RIMS2: variants seen among roughly 807,000 people sequenced by gnomAD.
RIMS2 encodes the protein regulating synaptic membrane exocytosis 2.
In RIMS2, 59 loss-of-function variants were observed where a neutral mutation model predicts 174.4. The ratio of observed to expected loss-of-function variants is 0.34; its 90% CI spans 0.27 to 0.42. The LOEUF (loss-of-function observed/expected upper bound fraction) is 0.42. RIMS2 is among the 10% of genes least tolerant of loss of function. The pLI is 1.00. For missense variants in RIMS2, 1,620 were observed against 1,666.3 expected, an observed-to-expected ratio of 0.97 and a Z score of 0.48; for synonymous variants, 606 against 572.5, an observed-to-expected ratio of 1.06 and a Z score of -0.84.
chr8:104,072,534 T>C (rs930286673), intron 19 of RIMS2, among the ~76,000 whole-genome samples: 3 of 152,164 alleles, frequency 2.0e-5, no homozygotes, highest in Admixed American at 6.6e-5. Context: ...AAATTTGACA[T>C]AACTGTGATG....
chr8:103,630,131 C>T (rs1184406), intron 1 of RIMS2, among the ~76,000 whole-genome samples: 8 of 139,470 alleles, frequency 5.7e-5, no homozygotes, highest in African/African-American at 2.2e-4. Flanking sequence ...AATCAAATTT[C>T]TGAAAACTGA....
At chr8:103,975,448 C>A in exon 16 of RIMS2, 2 of 1,610,620 alleles carry the variant, frequency 1.2e-6, no homozygotes, top group Non-Finnish European at 1.7e-6. Context: ...GTCTCCTCAT[C>A]GAGTAGATGT....
At chr8:104,131,326 T>C (rs2098472045) in intron 19 of RIMS2, among the ~76,000 whole-genome samples, 1 of 152,090 alleles carries the variant, frequency 6.6e-6, no homozygotes, top group Non-Finnish European at 1.5e-5. Context: ...AACTTGCTGA[T>C]TGGTTGGATA....
intron 19 of RIMS2, among the ~76,000 whole-genome samples, chr8:104,105,359 A>G (rs2098025086): frequency 2.0e-5 from 3 of 152,338 alleles, no homozygotes; most frequent in South Asian, 4.1e-4. Context: ...GTTACTAGAA[A>G]GAACCTCAGG....
At chr8:104,054,203 T>G (rs961190947) in intron 19 of RIMS2, among the ~76,000 whole-genome samples, 1 of 152,186 alleles carries the variant, frequency 6.6e-6, no homozygotes, top group Non-Finnish European at 1.5e-5. Context: ...CTGTTTATTC[T>G]CAGTATTGAA....
At chr8:104,088,134 A>G (rs1046412085) in intron 19 of RIMS2, among the ~76,000 whole-genome samples, 1 of 152,096 alleles carries the variant, frequency 6.6e-6, no homozygotes, top group African/African-American at 2.4e-5. Context: ...TATTTTTTAT[A>G]CAATTCAGCA....
At chr8:103,518,738 TAAC>T (rs1448058540) in intron 1 of RIMS2, among the ~76,000 whole-genome samples, 2 of 152,048 alleles carry the variant, frequency 1.3e-5, no homozygotes, top group Non-Finnish European at 2.9e-5. Flanking sequence ...TATGATATGT[TAAC>T]AAGTGACTTC....
chr8:103,555,200 G>A (rs1439125507), intron 1 of RIMS2, among the ~76,000 whole-genome samples: 1 of 151,914 alleles, frequency 6.6e-6, no homozygotes, highest in Non-Finnish European at 1.5e-5. Flanking sequence ...TAAAAAAATG[G>A]GCAAAGGACC....
chr8:103,553,851 GAC>G lies in RIMS2; in HGVS notation c.176+52791_176+52792del, dbSNP rs1849180864. On this transcript the variant is annotated intron_variant, in intron 1 of 23. Transcript: ENST00000504942. Reference sequence around the variant, plus strand: ...ACAGCATGGTACTGGTACAAAAACAGACAGATAGACCAATGGAACAGAATAGA... The same window carrying G: ...ACAGCATGGTACTGGTACAAAAACAGAGATAGACCAATGGAACAGAATAGA... Among the ~76,000 whole-genome samples, 5 of 131,576 alleles carry G rather than the reference GAC, an allele frequency of 3.8e-5. No individual in the cohort carries two copies. The South Asian group carries it at 1.3e-3, about 33-fold the overall frequency. 86.3% of individuals were successfully genotyped at this position (131,576 alleles called of 152,430 possible). A position where few individuals can be genotyped will look rare whatever the true frequency, so the allele number is the denominator to read the frequency against.
rs141344163 is a variant in RIMS2 at position 103,755,683 on chromosome 8, A to G, written c.388-10544A>G. On this transcript the variant is annotated intron_variant, in intron 2 of 23. Transcript: ENST00000504942. Reference sequence around the variant, plus strand: ...TTTTATTTCATTGAGTTGATCTTCAATCTCTGATATCCTTTCTTCCACTTG... The same window carrying G: ...TTTTATTTCATTGAGTTGATCTTCAGTCTCTGATATCCTTTCTTCCACTTG... 5.0e-3 allele frequency among the ~76,000 whole-genome samples: 757 copies of G among 152,066 alleles called. 8 individuals carry two copies. The highest frequency in any genetic ancestry group is 0.018 in the African/African-American group (727 of 41,488).
intron 19 of RIMS2, among the ~76,000 whole-genome samples, chr8:104,230,426 G>A (rs533367267): frequency 6.6e-6 from 1 of 151,980 alleles, no homozygotes; most frequent in African/African-American, 2.4e-5. Flanking sequence ...CAGGTGGATC[G>A]CCTGAGGTCA....
chr8:104,174,299 G>A (rs1174454993), intron 19 of RIMS2, among the ~76,000 whole-genome samples: 1 of 152,088 alleles, frequency 6.6e-6, no homozygotes, highest in African/African-American at 2.4e-5. Flanking sequence ...GGAAATAGAA[G>A]TGAAATTTAA....
intron 4 of RIMS2, among the ~76,000 whole-genome samples, chr8:103,909,174 A>G (rs1349403556): frequency 6.6e-6 from 1 of 152,126 alleles, no homozygotes; most frequent in Non-Finnish European, 1.5e-5. Context: ...TGTTGTAAGC[A>G]TATTTCATTG....
downstream of RIMS2, chr8:104,254,609 G>A (rs2140391132): frequency 6.6e-6 from 1 of 152,240 alleles, no homozygotes; most frequent in Admixed American, 6.5e-5. Flanking sequence ...AACGCCAAAG[G>A]ATTTCTGCTC....
At chr8:103,572,456 T>C (rs1460185899) in intron 1 of RIMS2, among the ~76,000 whole-genome samples, 1 of 152,134 alleles carries the variant, frequency 6.6e-6, no homozygotes, top group Non-Finnish European at 1.5e-5. Flanking sequence ...GAGTGCTGAT[T>C]GGTGAGTTTA....
chr8:103,624,552 A>ATTTC (rs2095731343), intron 1 of RIMS2, among the ~76,000 whole-genome samples: 1 of 152,286 alleles, frequency 6.6e-6, no homozygotes, highest in South Asian at 2.1e-4. Flanking sequence ...TATTATAAGA[A>ATTTC]TTTCTTTTGC....
chr8:104,036,336 A>G (rs2096515518), intron 19 of RIMS2, among the ~76,000 whole-genome samples: 1 of 151,394 alleles, frequency 6.6e-6, no homozygotes, highest in Non-Finnish European at 1.5e-5. Context: ...TATTTTTAGT[A>G]GAGACAGGGT....
At chr8:104,160,914 G>A (rs1019295859) in intron 19 of RIMS2, among the ~76,000 whole-genome samples, 1 of 152,100 alleles carries the variant, frequency 6.6e-6, no homozygotes, top group African/African-American at 2.4e-5. Flanking sequence ...ATTCTGTAAG[G>A]GAGTGTGGCA....
intron 19 of RIMS2, among the ~76,000 whole-genome samples, chr8:104,028,224 A>G (rs2096300283): frequency 6.6e-6 from 1 of 152,082 alleles, no homozygotes; most frequent in African/African-American, 2.4e-5. Flanking sequence ...AGAATTTGCT[A>G]CATGTTGTGA....
Sources: gnomAD v4.1 joint callset for allele counts (sites outside exome capture counted in the v4.1 genomes callset) on GRCh38, gnomAD v4.1.1 for gene constraint, MANE v1.5 for transcripts, NCBI Gene and HGNC (gene_info 2026-07-23, HGNC 2026-07-21) for gene names.